Variants in MVB12B observed in about 807,000 individuals in gnomAD.
MVB12B encodes the protein multivesicular body subunit 12B, also known as ESCRT-I complex subunit MVB12B.
In MVB12B, 16 loss-of-function variants were observed where a neutral mutation model predicts 41.6. The ratio of observed to expected loss-of-function variants is 0.38; its 90% CI spans 0.26 to 0.58. MVB12B has a LOEUF of 0.58. MVB12B is among the 20% of genes least tolerant of loss of function. The pLI is 0.62. For missense variants in MVB12B, 274 were observed against 380.2 expected (o/e 0.72, Z 2.32); for synonymous variants, 133 against 139.7 (o/e 0.95, Z 0.34).
At position 126,392,022 on chromosome 9, in the gene MVB12B, T is replaced by C. The variant is rs1351197255; in HGVS notation, c.410-44T>C. 1 of 1,606,586 alleles carries C rather than the reference T, an allele frequency of 6.2e-7. No homozygotes were observed. Among genetic ancestry groups the C allele is most frequent in the Non-Finnish European group, 8.5e-7 (1 of 1,173,574 alleles). On this transcript the variant is annotated intron_variant, in intron 4 of 9. Coordinates refer to ENST00000361171, the MANE Select transcript of MVB12B (RefSeq NM_033446.3). This position sits in a 1 kb window ranked among gnomAD's most constrained non-coding sequence, Gnocchi z 4.8. ...GTGGTTTTCAGAATAGAGATTCTGG[T>C]ATCTCTGGAAAACTCATACCTTTTC... is the stretch of plus-strand genomic sequence containing the variant.
rs548150324 is a variant in MVB12B, at chr9:126,495,497, C to T, written c.874-7680C>T. ...TTCCTACTTTTAATAGTCACAAGTACGAGAAACGTTTTGCTTTCTTGCTTG... is the reference window on the plus strand; with the variant it reads ...TTCCTACTTTTAATAGTCACAAGTATGAGAAACGTTTTGCTTTCTTGCTTG... On this transcript the variant is annotated intron_variant, in intron 9 of 9. Transcript: ENST00000361171. Among the ~76,000 whole-genome samples, 5 of 152,308 alleles carry T rather than the reference C, an allele frequency of 3.3e-5. No homozygotes were observed. In the South Asian group the frequency reaches 6.2e-4, roughly 19 times the overall value.
chr9:126,352,578 G>T (rs1829780898), intron 2 of MVB12B, among the ~76,000 whole-genome samples: 1 of 152,170 alleles, frequency 6.6e-6, no homozygotes, highest in South Asian at 2.1e-4. Context: ...GATATATGAG[G>T]CAGAAAGAAA....
chr9:126,364,245 G>A (rs370612853), intron 2 of MVB12B, among the ~76,000 whole-genome samples: 75 of 152,314 alleles, frequency 4.9e-4, no homozygotes, highest in African/African-American at 1.4e-3. Flanking sequence ...ACTTAGGCAC[G>A]AGGACCAGTT....
chr9:126,489,156 G>C (rs1833680624), intron 9 of MVB12B, among the ~76,000 whole-genome samples: 1 of 152,230 alleles, frequency 6.6e-6, no homozygotes, highest in Non-Finnish European at 1.5e-5. Flanking sequence ...ACTGGAAGGG[G>C]AATGAGCCCA....
At chr9:126,500,994 G>A (rs1171547220) in intron 9 of MVB12B, among the ~76,000 whole-genome samples, 2 of 152,222 alleles carry the variant, frequency 1.3e-5, no homozygotes. Flanking sequence ...TGTCAGTGAG[G>A]GCTGATGAAG....
chr9:126,333,306 C>T lies in MVB12B; in HGVS notation c.81+6296C>T, dbSNP rs1324489536. ...TTCACCATATGGGCCAGGCTGGTCT[C>T]GAACTCCTGACCTTGTGATCTGTCC... On this transcript the variant is annotated intron_variant, in intron 1 of 9. Coordinates refer to ENST00000361171, the MANE Select transcript of MVB12B (RefSeq NM_033446.3). The surrounding 1 kb of genome is among the most constrained non-coding windows in gnomAD (Gnocchi z 4.7). Among the ~76,000 whole-genome samples, 4 of 152,166 alleles carry T rather than the reference C, an allele frequency of 2.6e-5. No homozygotes were observed. Among genetic ancestry groups the T allele is most frequent in the South Asian group, 2.1e-4 (1 of 4,832 alleles).
chr9:126,451,119 G>A (rs7466745), intron 7 of MVB12B, among the ~76,000 whole-genome samples: 83 of 152,320 alleles, frequency 5.4e-4, no homozygotes, highest in African/African-American at 1.8e-3. Context: ...CAGAGGAGGA[G>A]GAAGAGGCTT....
chr9:126,414,043 A>C (rs1356437528), intron 6 of MVB12B, among the ~76,000 whole-genome samples: 1 of 152,228 alleles, frequency 6.6e-6, no homozygotes, highest in Non-Finnish European at 1.5e-5. Context: ...CATTTTAAAA[A>C]TTCACACAGA....
At chr9:126,348,253 T>G (rs1432487461) in intron 2 of MVB12B, among the ~76,000 whole-genome samples, 8 of 152,242 alleles carry the variant, frequency 5.3e-5, no homozygotes, top group African/African-American at 1.7e-4. Flanking sequence ...TGGGCCTTTG[T>G]TCCCTGTGGC....
At chr9:126,344,635 G>A (rs1220698371) in intron 2 of MVB12B, among the ~76,000 whole-genome samples, 3 of 152,186 alleles carry the variant, frequency 2.0e-5, no homozygotes, top group Non-Finnish European at 2.9e-5. Context: ...CTCTCCCTGC[G>A]TCTCCCCCTC....
rs1325565209 is a variant in MVB12B at position 126,506,096 on chromosome 9, T to A, written c.*2833T>A. 1 of 152,348 alleles carries A rather than the reference T, an allele frequency of 6.6e-6. No homozygotes were observed. The highest frequency in any genetic ancestry group is 2.4e-5 in the African/African-American group (1 of 41,440). 9.4% of individuals were successfully genotyped at this position (152,348 alleles called of 1,614,324 possible). A position where few individuals can be genotyped will look rare whatever the true frequency, so the allele number is the denominator to read the frequency against. On this transcript the variant is annotated 3_prime_UTR_variant, in exon 10 of 10. Coordinates refer to ENST00000361171, the MANE Select transcript of MVB12B (RefSeq NM_033446.3). ...GCAGTCTCCCTTGCAAATGTATAATTAAGGCCTTTCTTCCCACCCCAAGTC... is the reference window on the plus strand; with the variant it reads ...GCAGTCTCCCTTGCAAATGTATAATAAAGGCCTTTCTTCCCACCCCAAGTC...
intron 6 of MVB12B, among the ~76,000 whole-genome samples, chr9:126,419,429 A>T (rs1321806276): frequency 6.6e-6 from 1 of 151,992 alleles, no homozygotes; most frequent in African/African-American, 2.4e-5. Flanking sequence ...TTGAATAAGG[A>T]CCCCATGTTT....
chr9:126,339,110 C>A (rs531599), intron 1 of MVB12B, among the ~76,000 whole-genome samples: 342 of 152,242 alleles, frequency 2.2e-3, no homozygotes, highest in Non-Finnish European at 3.3e-3. Context: ...TAGCCTTGAT[C>A]GAGGACTCAG....
chr9:126,436,748 C>CA lies in MVB12B; in HGVS notation c.757+14801dup, dbSNP rs1832489493. Among the ~76,000 whole-genome samples the CA allele has an allele frequency of 6.6e-6, 1 of 152,190 alleles. No individual in the cohort carries two copies. Among genetic ancestry groups the CA allele is most frequent in the African/African-American group, 2.4e-5 (1 of 41,438 alleles). On this transcript the variant is annotated intron_variant, in intron 7 of 9. Transcript: ENST00000361171. The surrounding 1 kb of genome is among the most constrained non-coding windows in gnomAD (Gnocchi z 4.1). ...TTGTGGGCACAGTGGCTGGCCCCTG[C>CA]AGAGCCTAAGGGGCACTCCACTCAT...
rs939217084 is a variant in MVB12B, at chr9:126,367,476, C to G, written c.205-13588C>G. ...TTCTTCTAGGGGTGCGCCTGCCCCT[C>G]TGCCCCTACTTCGTTTCTGCCTGCC... On this transcript the variant is annotated intron_variant, in intron 2 of 9. Coordinates refer to ENST00000361171, the MANE Select transcript of MVB12B (RefSeq NM_033446.3). This position sits in a 1 kb window ranked among gnomAD's most constrained non-coding sequence, Gnocchi z 4.3. 1.3e-5 allele frequency among the ~76,000 whole-genome samples: 2 copies of G among 152,140 alleles called. No individual in the cohort carries two copies. Among genetic ancestry groups the G allele is most frequent in the African/African-American group, 2.4e-5 (1 of 41,428 alleles).
At chr9:126,380,575 C>T (rs1830605747) in intron 2 of MVB12B, among the ~76,000 whole-genome samples, 1 of 152,190 alleles carries the variant, frequency 6.6e-6, no homozygotes, top group South Asian at 2.1e-4. Flanking sequence ...TCTGACCTCC[C>T]TCCCTGCCCC....
At chr9:126,353,221 G>A (rs576405856) in intron 2 of MVB12B, among the ~76,000 whole-genome samples, 3 of 152,290 alleles carry the variant, frequency 2.0e-5, no homozygotes, top group African/African-American at 7.2e-5. Context: ...GCTCACTTCT[G>A]TCATTCATTC....
chr9:126,425,602 T>C (rs1032846942), intron 7 of MVB12B, among the ~76,000 whole-genome samples: 1 of 152,246 alleles, frequency 6.6e-6, no homozygotes, highest in Non-Finnish European at 1.5e-5. Context: ...TTGTCCCTTT[T>C]AGAAAATATG....
At chr9:126,373,307 C>T (rs368099089) in intron 2 of MVB12B, among the ~76,000 whole-genome samples, 1 of 152,194 alleles carries the variant, frequency 6.6e-6, no homozygotes, top group Non-Finnish European at 1.5e-5. Flanking sequence ...AGGGAGTCCA[C>T]GGATGGTTGG....
Sources: allele counts gnomAD v4.1 joint callset (sites outside exome capture counted in the v4.1 genomes callset), GRCh38; gene constraint gnomAD v4.1.1; non-coding constraint Gnocchi (gnomAD v3.1); transcripts MANE v1.5; gene names NCBI Gene and HGNC (gene_info 2026-07-23, HGNC 2026-07-21).